MYCBP2: variants seen among roughly 807,000 people sequenced by gnomAD.
MYCBP2 encodes MYC binding protein 2, also known as E3 ubiquitin-protein ligase MYCBP2.
In MYCBP2, 120 loss-of-function variants were observed where a neutral mutation model predicts 525.3. The observed-to-expected ratio is 0.23, with a 90% CI of 0.20 to 0.27. The LOEUF is 0.27. Among genes scored for constraint, MYCBP2 ranks in the 10% least tolerant of loss-of-function variants. MYCBP2 has a pLI of 1.00. For synonymous variants in MYCBP2, 1,894 were observed against 1,955.8 expected, an observed-to-expected ratio of 0.97 and a Z score of 0.83; for missense variants, 4,149 against 5,657.1, an observed-to-expected ratio of 0.73 and a Z score of 8.55.
At chr13:77,320,756 C>G (rs537299613) in intron 1 of MYCBP2, among the ~76,000 whole-genome samples, 1 of 152,038 alleles carries the variant, frequency 6.6e-6, no homozygotes, top group African/African-American at 2.4e-5. Context: ...CAGTACCCAG[C>G]GCCATATACA....
intron 69 of MYCBP2, among the ~76,000 whole-genome samples, chr13:77,069,087 ATGCC>A (rs1291123960): frequency 3.9e-5 from 6 of 152,222 alleles, no homozygotes. Context: ...CAAGTTATTA[ATGCC>A]TATGCTTACA....
At chr13:77,298,295 T>C (rs1183291911) in intron 1 of MYCBP2, among the ~76,000 whole-genome samples, 4 of 152,232 alleles carry the variant, frequency 2.6e-5, no homozygotes, top group Non-Finnish European at 2.9e-5. Flanking sequence ...TCAGCATAAG[T>C]GTCACTTAAG....
chr13:77,181,047 A>T (rs2060171754), intron 33 of MYCBP2, among the ~76,000 whole-genome samples: 1 of 152,230 alleles, frequency 6.6e-6, no homozygotes, highest in Non-Finnish European at 1.5e-5. Context: ...CTTTTTGTAC[A>T]CACATATGAT....
At chr13:77,124,966 GGAGAAGTACTGA>G (rs1208794798) in intron 54 of MYCBP2, among the ~76,000 whole-genome samples, 1 of 152,124 alleles carries the variant, frequency 6.6e-6, no homozygotes, top group Non-Finnish European at 1.5e-5. Flanking sequence ...AAGTTGCCTG[GGAGAAGTACTGA>G]GATTGGTAGT....
intron 2 of MYCBP2, among the ~76,000 whole-genome samples, chr13:77,292,974 A>AG (rs1042875706): frequency 6.0e-5 from 9 of 151,158 alleles, no homozygotes; most frequent in African/African-American, 2.2e-4. Flanking sequence ...AAAAAAAAAA[A>AG]AAAGAAAGAA....
chr13:77,213,499 T>C (rs1253819042), intron 21 of MYCBP2, among the ~76,000 whole-genome samples: 2 of 151,842 alleles, frequency 1.3e-5, no homozygotes, highest in Middle Eastern at 3.4e-3. Context: ...AAAAAGTAAA[T>C]AGTGAGCAAA....
At chr13:77,280,515 T>C (rs2076081488) in intron 3 of MYCBP2, among the ~76,000 whole-genome samples, 1 of 152,210 alleles carries the variant, frequency 6.6e-6, no homozygotes. Context: ...TTCTTTCAGA[T>C]TGCTTACTCT....
chr13:77,171,902 AAATT>A (rs1386800573), intron 37 of MYCBP2, among the ~76,000 whole-genome samples: 1 of 152,122 alleles, frequency 6.6e-6, no homozygotes, highest in Non-Finnish European at 1.5e-5. Context: ...TTAATTAATT[AAATT>A]ATTTACTTAT....
intron 20 of MYCBP2, among the ~76,000 whole-genome samples, chr13:77,219,459 A>AT (rs750795057): frequency 0.026 from 3,787 of 146,310 alleles, 68 homozygotes; most frequent in Non-Finnish European, 0.038. Context: ...GAAGGAGAGG[A>AT]TTTTTTTTTT....
At chr13:77,061,409 C>CCT in intron 75 of MYCBP2, 108 bp from the exon 76 acceptor site, 1 of 1,036,774 alleles carries the variant, frequency 9.6e-7, no homozygotes, top group South Asian at 1.9e-5. Flanking sequence ...TTTAAGCACT[C>CCT]TAAGAAGTTT....
chr13:77,220,956 G>A (rs1201795635), intron 20 of MYCBP2, among the ~76,000 whole-genome samples: 1 of 152,132 alleles, frequency 6.6e-6, no homozygotes, highest in African/African-American at 2.4e-5. Flanking sequence ...ATGGAACAAG[G>A]ACCAAAACAT....
In MYCBP2 at chr13:77,088,963, GA is replaced by G; in HGVS notation, c.10593del (p.Leu3532PhefsTer13). 6.2e-7 allele frequency: 1 copy of G among 1,613,538 alleles called. No individual in the cohort carries two copies. Among genetic ancestry groups the G allele is most frequent in the Non-Finnish European group, 8.5e-7 (1 of 1,179,640 alleles). On this transcript the variant is annotated frameshift_variant, in exon 61 of 83. Coordinates refer to ENST00000544440, the MANE Select transcript of MYCBP2 (RefSeq NM_015057.5). LOFTEE classifies it high-confidence loss of function. ...TGGAAATTTCGTTCTCCTTTAGAAA[GA>G]GAGCTGTGGGCTGAGATTAGCCGAG... ...ELSRLISAHS[S>X]LSKGERNFQW...
In MYCBP2 at chr13:77,211,138, T is replaced by C. The variant is rs370252300; in HGVS notation, c.3416+29A>G. 19 of 1,399,482 alleles carry C rather than the reference T, an allele frequency of 1.4e-5. No homozygotes were observed. In the East Asian group the frequency reaches 1.6e-4, roughly 12 times the overall value. 86.7% of individuals were successfully genotyped at this position (1,399,482 alleles called of 1,614,324 possible). A position where few individuals can be genotyped will look rare whatever the true frequency, so the allele number is the denominator to read the frequency against. ...AAGAGTATAACTGCATCAAAACTTA[T>C]TGACTATTTTATAAACTGAGATGCT... On this transcript the variant is annotated intron_variant, in intron 23 of 82. Coordinates refer to ENST00000544440, the MANE Select transcript of MYCBP2 (RefSeq NM_015057.5).
chr13:77,085,644 A>G (rs1016527489), intron 62 of MYCBP2, among the ~76,000 whole-genome samples: 1 of 152,198 alleles, frequency 6.6e-6, no homozygotes, highest in African/African-American at 2.4e-5. Flanking sequence ...TGGCAGAAGC[A>G]TGGCATATGA....
chr13:77,102,835 T>G (rs1273381209), intron 55 of MYCBP2, among the ~76,000 whole-genome samples: 1 of 151,876 alleles, frequency 6.6e-6, no homozygotes, highest in Non-Finnish European at 1.5e-5. Flanking sequence ...AGTTTAAGAC[T>G]AAAAAATGTG....
chr13:77,233,484 C>T (rs534912929), intron 17 of MYCBP2, among the ~76,000 whole-genome samples: 171 of 116,728 alleles, frequency 1.5e-3, no homozygotes, highest in Middle Eastern at 0.01. Flanking sequence ...TTATAAAGTA[C>T]AAAACCCGTC....
In MYCBP2 at chr13:77,162,242, T is replaced by TA. The variant is rs1001567159; in HGVS notation, c.6548-288dup. Among the ~76,000 whole-genome samples, 78 of 152,178 alleles carry TA rather than the reference T, an allele frequency of 5.1e-4. 2 individuals are homozygous for TA. The highest frequency in any genetic ancestry group is 2.0e-4 in the Admixed American group (3 of 15,286). On this transcript the variant is annotated intron_variant, in intron 43 of 82. Transcript: ENST00000544440. ...AATATAAATGTATACTTTCTGAACT[T>TA]AGTGTATTCGTTTTGTCTAAAAAAA...
Position 77,058,665 on chromosome 13 carries a change from A to G in MYCBP2, c.13141-259T>C, listed in dbSNP as rs2038655108. Among the ~76,000 whole-genome samples the G allele has an allele frequency of 6.6e-6, 1 of 152,102 alleles. No homozygotes were observed. The highest frequency in any genetic ancestry group is 2.1e-4 in the South Asian group (1 of 4,832). ...ATGCTGATAAGTGAATTATAATTTC[A>G]TATTTGTCATCATGCACAGCTATAA... On this transcript the variant is annotated intron_variant, in intron 77 of 82. Coordinates refer to ENST00000544440, the MANE Select transcript of MYCBP2 (RefSeq NM_015057.5). This position sits in a 1 kb window ranked among gnomAD's most constrained non-coding sequence, Gnocchi z 4.1.
intron 82 of MYCBP2, among the ~76,000 whole-genome samples, chr13:77,049,423 C>T (rs2036262967): frequency 1.3e-5 from 2 of 152,240 alleles, no homozygotes; most frequent in Non-Finnish European, 2.9e-5. Context: ...ATATGTTTCA[C>T]ATGGTTTAAA....
Sources: allele counts gnomAD v4.1 joint callset (sites outside exome capture counted in the v4.1 genomes callset), GRCh38; gene constraint gnomAD v4.1.1; non-coding constraint Gnocchi (gnomAD v3.1); transcripts MANE v1.5; gene names NCBI Gene and HGNC (gene_info 2026-07-23, HGNC 2026-07-21).